PCDHGA4: variants seen among roughly 807,000 people sequenced by gnomAD.
PCDHGA4 encodes the protein protocadherin gamma subfamily A, 4, also known as protocadherin gamma-A4.
PCDHGA4 carries 38 observed loss-of-function variants against 54.6 expected under a neutral mutation model. That is an observed-to-expected ratio of 0.70 (90% CI 0.54 to 0.91). The LOEUF is 0.91. PCDHGA4 is among the 40% of genes least tolerant of loss of function. The pLI, the probability that PCDHGA4 is intolerant of heterozygous loss-of-function variation, is 0.00. For missense variants in PCDHGA4, 1,298 were observed against 1,220.9 expected, an observed-to-expected ratio of 1.06 and a Z score of -0.94; for synonymous variants, 511 against 512.9, an observed-to-expected ratio of 1.00 and a Z score of 0.05.
chr5:141,372,305 C>T (rs749468095), intron 1 of PCDHGA4: 5 of 1,613,260 alleles, frequency 3.1e-6, no homozygotes, highest in South Asian at 1.1e-5. Context: ...ACAGGGAGGC[C>T]GCCCGCCAGC....
intron 2 of PCDHGA4, among the ~76,000 whole-genome samples, chr5:141,500,136 A>G (rs966215589): frequency 6.6e-6 from 1 of 151,606 alleles, no homozygotes; most frequent in African/African-American, 2.4e-5. Flanking sequence ...ATATCTTTCT[A>G]AACTTTTCTT....
At chr5:141,385,316 G>T in intron 1 of PCDHGA4, 2 of 1,610,350 alleles carry the variant, frequency 1.2e-6, no homozygotes, top group Non-Finnish European at 1.7e-6. Flanking sequence ...AACCTGCCAA[G>T]TATTCAGGTG....
intron 1 of PCDHGA4, among the ~76,000 whole-genome samples, chr5:141,437,777 C>T (rs998490046): frequency 2.0e-5 from 3 of 148,970 alleles, no homozygotes; most frequent in Admixed American, 6.7e-5. Context: ...CTCAATCTGT[C>T]GCCAAGCTGG....
chr5:141,372,860 A>T (rs1224709282), intron 1 of PCDHGA4: 1 of 1,419,644 alleles, frequency 7.0e-7, no homozygotes, highest in African/African-American at 1.4e-5. Context: ...GTTTCAATTC[A>T]TTGATTTAGA....
chr5:141,454,081 T>C (rs1009599234), intron 1 of PCDHGA4, among the ~76,000 whole-genome samples: 2 of 152,198 alleles, frequency 1.3e-5, no homozygotes, highest in African/African-American at 4.8e-5. Flanking sequence ...ATGTTTTCAG[T>C]GAAATTTGAA....
chr5:141,447,709 T>C (rs896203283), intron 1 of PCDHGA4, among the ~76,000 whole-genome samples: 1 of 152,210 alleles, frequency 6.6e-6, no homozygotes, highest in East Asian at 1.9e-4. Context: ...TATAAGGATG[T>C]ACACATTTTC....
chr5:141,441,861 C>T (rs3805696), intron 1 of PCDHGA4: 35,405 of 342,650 alleles, frequency 0.1, 2,215 homozygotes, highest in African/African-American at 0.17. Context: ...TGCTGCACGC[C>T]GCGGAGCCTG....
intron 1 of PCDHGA4, among the ~76,000 whole-genome samples, chr5:141,382,046 C>G (rs1241597403): frequency 6.6e-6 from 1 of 151,928 alleles, no homozygotes. Flanking sequence ...TCAGGCTGGT[C>G]TCAAGCTCCC....
intron 1 of PCDHGA4, among the ~76,000 whole-genome samples, chr5:141,397,268 T>C (rs532503951): frequency 2.0e-5 from 3 of 152,180 alleles, no homozygotes; most frequent in African/African-American, 7.2e-5. Flanking sequence ...CTTAGCTACA[T>C]CATATGGGCA....
In PCDHGA4 at chr5:141,357,195, C is replaced by G; in HGVS notation, c.2088C>G (p.Ala696=). The G allele has an allele frequency of 6.2e-7, 1 of 1,613,770 alleles. No homozygotes were observed. ...SATVTLTVAV[A]DSIPDVLADL... is the part of the protein sequence containing the mutation. ...CCGTCACACTCACTGTGGCTGTGGCCGACAGCATCCCAGATGTCCTGGCTG... is the reference window on the plus strand; with the variant it reads ...CCGTCACACTCACTGTGGCTGTGGCGGACAGCATCCCAGATGTCCTGGCTG... The change falls in exon 1 of 4, where the codon GCC becomes GCG. Residue 696 remains alanine (A), a synonymous_variant. Transcript: ENST00000571252.
chr5:141,357,153 G>A lies in PCDHGA4; in HGVS notation c.2046G>A (p.Gln682=). 2 of 1,613,624 alleles carry A rather than the reference G, an allele frequency of 1.2e-6. No individual in the cohort carries two copies. The highest frequency in any genetic ancestry group is 1.1e-5 in the South Asian group (1 of 91,080). ...TAGTGGTCGTCCAGGACCATGGCCAGCCCCCTCTCTCGGCCACCGTCACAC... is the reference window on the plus strand; with the variant it reads ...TAGTGGTCGTCCAGGACCATGGCCAACCCCCTCTCTCGGCCACCGTCACAC... ...RLVVVVQDHG[Q]PPLSATVTLT... is the part of the protein sequence containing the mutation. Residue 682 remains glutamine, a synonymous_variant, in exon 1 of 4, where the codon CAG becomes CAA. Transcript: ENST00000571252.
At chr5:141,383,989 A>G in intron 1 of PCDHGA4, 1 of 1,613,876 alleles carries the variant, frequency 6.2e-7, no homozygotes, top group Non-Finnish European at 8.5e-7. Context: ...ACCTCTTGGG[A>G]CAGTCATTGC....
intron 1 of PCDHGA4, among the ~76,000 whole-genome samples, chr5:141,447,123 T>TTTTG (rs1327676720): frequency 6.6e-6 from 1 of 152,160 alleles, no homozygotes; most frequent in Admixed American, 6.6e-5. Context: ...CCATGGATTT[T>TTTTG]TTTGTTTGTT....
At chr5:141,438,053 C>T (rs1023159995) in intron 1 of PCDHGA4, among the ~76,000 whole-genome samples, 2 of 152,112 alleles carry the variant, frequency 1.3e-5, no homozygotes, top group African/African-American at 4.8e-5. Context: ...TTTGAGTTCA[C>T]TTTTAAGAAA....
intron 1 of PCDHGA4, chr5:141,371,186 G>A (rs779475479): frequency 1.9e-6 from 3 of 1,614,028 alleles, no homozygotes; most frequent in Non-Finnish European, 8.5e-7. Flanking sequence ...TATTAAAAGT[G>A]ATGGCCATTG....
chr5:141,471,003 C>A (rs2099246040), intron 1 of PCDHGA4, among the ~76,000 whole-genome samples: 1 of 151,658 alleles, frequency 6.6e-6, no homozygotes, highest in East Asian at 1.9e-4. Flanking sequence ...AGGCATGAGC[C>A]ACTGTGCCTG....
intron 1 of PCDHGA4, chr5:141,408,803 G>T: frequency 6.2e-7 from 1 of 1,613,150 alleles, no homozygotes; most frequent in South Asian, 1.1e-5. Flanking sequence ...GAAACTCCTA[G>T]ACCGGGAAGA....
chr5:141,471,591 A>T (rs925105880), intron 1 of PCDHGA4: 1 of 152,294 alleles, frequency 6.6e-6, no homozygotes, highest in South Asian at 2.1e-4. Context: ...AGTAATTGAT[A>T]GTTTCAAAAT....
At chr5:141,481,913 CA>C (rs34114744) in intron 1 of PCDHGA4, among the ~76,000 whole-genome samples, 39,195 of 90,872 alleles carry the variant, frequency 0.43, 5,902 homozygotes, top group Admixed American at 0.51. Flanking sequence ...AACTCCATCT[CA>C]AAAAAAAAAA....
Sources: allele counts gnomAD v4.1 joint callset (sites outside exome capture counted in the v4.1 genomes callset), GRCh38; gene constraint gnomAD v4.1.1; transcripts MANE v1.5; gene names NCBI Gene and HGNC (gene_info 2026-07-23, HGNC 2026-07-21).